CRACDL: variants seen among roughly 807,000 people sequenced by gnomAD.
The protein encoded by CRACDL is CRACD like.
Under a neutral mutation model 70.6 loss-of-function variants are expected in CRACDL, and 26 were observed. That is an observed-to-expected ratio of 0.37 (90% confidence interval 0.27 to 0.51). The LOEUF (loss-of-function observed/expected upper bound fraction) is 0.51. Ranked by LOEUF, CRACDL falls within the 20% of genes least tolerant of loss-of-function variation. CRACDL has a pLI of 0.94. For synonymous variants in CRACDL, 618 were observed against 615.2 expected, an observed-to-expected ratio of 1.00 and a Z score of -0.07; for missense variants, 1,283 against 1,376.9, an observed-to-expected ratio of 0.93 and a Z score of 1.08.
At chr2:98,805,657 G>A (rs1402382671) in intron 7 of CRACDL, among the ~76,000 whole-genome samples, 2 of 152,152 alleles carry the variant, frequency 1.3e-5, no homozygotes, top group Non-Finnish European at 2.9e-5. Context: ...ACTCCACACA[G>A]ACTCACTTTG....
intron 7 of CRACDL, among the ~76,000 whole-genome samples, chr2:98,815,630 A>G (rs1337451254): frequency 1.3e-5 from 2 of 152,168 alleles, no homozygotes; most frequent in Non-Finnish European, 2.9e-5. Flanking sequence ...ATGTCTAAAG[A>G]GTCAAAAGAG....
intron 7 of CRACDL, among the ~76,000 whole-genome samples, chr2:98,814,451 CT>C (rs959642323): frequency 2.0e-5 from 3 of 152,070 alleles, no homozygotes; most frequent in Non-Finnish European, 2.9e-5. Context: ...ATTTGATGAT[CT>C]TTTTCATATT....
At chr2:98,935,289 ATTCACACAGCCGCAC>A in intron 1 of CRACDL, among the ~76,000 whole-genome samples, 1 of 152,162 alleles carries the variant, frequency 6.6e-6, no homozygotes, top group Non-Finnish European at 1.5e-5. Context: ...ACGGAGTCAA[ATTCACACAGCCGCAC>A]TGCTTCTGAC....
chr2:98,891,376 C>CAA lies in CRACDL; in HGVS notation c.-11+44560_-11+44561dup, dbSNP rs548988640. Among the ~76,000 whole-genome samples the CAA allele has an allele frequency of 3.3e-3, 125 of 37,842 alleles. 6 individuals are homozygous for CAA. Among genetic ancestry groups the CAA allele is most frequent in the African/African-American group, 6.7e-3 (62 of 9,224 alleles). 24.8% of individuals were successfully genotyped at this position (37,842 alleles called of 152,430 possible). A position where few individuals can be genotyped will look rare whatever the true frequency, so the allele number is the denominator to read the frequency against. On this transcript the variant is annotated intron_variant, in intron 1 of 9. Transcript: ENST00000397899. ...TGGGTGACAGAGGGAGACTCCGTCT[C>CAA]AAAAAAAAAAAAAAAAAAAAAAAAA...
chr2:98,871,142 T>G (rs1707331354), intron 1 of CRACDL, among the ~76,000 whole-genome samples: 1 of 152,188 alleles, frequency 6.6e-6, no homozygotes, highest in Admixed American at 6.5e-5. Context: ...TTGCCCTTCT[T>G]TGCTGTGCCC....
intron 1 of CRACDL, among the ~76,000 whole-genome samples, chr2:98,917,265 T>A (rs537269142): frequency 6.6e-6 from 1 of 152,192 alleles, no homozygotes; most frequent in Non-Finnish European, 1.5e-5. Context: ...CACCTTTATA[T>A]GTAACATTGT....
intron 5 of CRACDL, among the ~76,000 whole-genome samples, chr2:98,830,341 C>T: frequency 6.6e-6 from 1 of 152,134 alleles, no homozygotes; most frequent in Non-Finnish European, 1.5e-5. Context: ...CCACAATAAT[C>T]TTAAAGTTTT....
Position 98,823,325 on chromosome 2 carries a change from G to T in CRACDL, c.948C>A (p.Ser316=). The change falls in exon 7 of 10, where the codon TCC becomes TCA. Residue 316 remains serine (S), a synonymous_variant. Coordinates refer to ENST00000397899, the MANE Select transcript of CRACDL (RefSeq NM_207362.3). This position sits in a 1 kb window ranked among gnomAD's most constrained non-coding sequence, Gnocchi z 4.0. ...CCTCCTCCACGCTGGCCGTGAGCGC[G>T]GAGGAGTGCTGCAGGCGGGCGCGTC... ...RARRARLQHS[S]ALTASVEEGG... 1 of 1,479,158 alleles carries T rather than the reference G, an allele frequency of 6.8e-7. No homozygotes were observed. The highest frequency in any genetic ancestry group is 8.9e-7 in the Non-Finnish European group (1 of 1,125,626). The allele number at this position is 1,479,158 out of a possible 1,614,324, so 91.6% of individuals were successfully genotyped here. A position where few individuals can be genotyped will look rare whatever the true frequency, so the allele number is the denominator to read the frequency against.
At chr2:98,794,889 C>T (rs1282023185) in intron 9 of CRACDL, among the ~76,000 whole-genome samples, 1 of 151,644 alleles carries the variant, frequency 6.6e-6, no homozygotes, top group Non-Finnish European at 1.5e-5. Flanking sequence ...TCTGGCAATG[C>T]AATGAGGTGA....
chr2:98,887,428 C>A (rs1707829045), intron 1 of CRACDL, among the ~76,000 whole-genome samples: 1 of 151,860 alleles, frequency 6.6e-6, no homozygotes, highest in African/African-American at 2.4e-5. Flanking sequence ...GTCAAGGCTG[C>A]AATGAGCCAT....
intron 1 of CRACDL, among the ~76,000 whole-genome samples, chr2:98,854,767 G>T (rs193150647): frequency 6.6e-6 from 1 of 152,176 alleles, no homozygotes; most frequent in African/African-American, 2.4e-5. Context: ...GAGACATTCT[G>T]TAAAATAACT....
chr2:98,848,709 C>T (rs187636613), intron 1 of CRACDL, among the ~76,000 whole-genome samples: 9 of 152,268 alleles, frequency 5.9e-5, no homozygotes, highest in Non-Finnish European at 1.0e-4. Flanking sequence ...TCAGCCCCCC[C>T]ACAAATAGCT....
chr2:98,869,526 G>A (rs1038329839), intron 1 of CRACDL, among the ~76,000 whole-genome samples: 2 of 152,344 alleles, frequency 1.3e-5, no homozygotes, highest in South Asian at 4.1e-4. Context: ...ATGGAAGCAG[G>A]CAAAGGGCAA....
intron 1 of CRACDL, among the ~76,000 whole-genome samples, chr2:98,892,014 T>C (rs1363008556): frequency 2.0e-5 from 3 of 152,172 alleles, no homozygotes; most frequent in Non-Finnish European, 4.4e-5. Flanking sequence ...ATCAGACTCC[T>C]GGAAATTTAA....
intron 1 of CRACDL, among the ~76,000 whole-genome samples, chr2:98,889,401 C>T (rs1707903904): frequency 6.6e-6 from 1 of 152,028 alleles, no homozygotes; most frequent in South Asian, 2.1e-4. Flanking sequence ...AAAATATTGT[C>T]TGTTTAAGAT....
At chr2:98,832,649 C>A (rs1245582589) in intron 4 of CRACDL, 137 bp from the exon 5 acceptor site, 1 of 1,001,120 alleles carries the variant, frequency 1.0e-6, no homozygotes, top group Non-Finnish European at 1.5e-6. Context: ...GAACGTGCAT[C>A]TGCCACCAGC....
In CRACDL at chr2:98,822,272, G is replaced by C; in HGVS notation, c.2001C>G (p.Cys667Trp). Residue 667 changes from cysteine to tryptophan, a missense_variant, in exon 7 of 10, where the codon TGC (cysteine) becomes TGG (tryptophan). By Grantham distance (215) the Cys-to-Trp change is radical. This residue lies in a region of CRACDL where 921 missense variants were observed against 881.9 expected (regional missense o/e 1.04). Transcript: ENST00000397899. The surrounding 1 kb of genome is among the most constrained non-coding windows in gnomAD (Gnocchi z 4.9). ...AAAAPGTREP[C>W]PAAQEPAPSE... is the part of the protein sequence containing the mutation. ...TCGGGGCCGGCTCCTGGGCGGCTGG[G>C]CAGGGCTCTCTCGTGCCGGGCGCGG... 1 of 1,586,828 alleles carries C rather than the reference G, an allele frequency of 6.3e-7. No individual in the cohort carries two copies. Among genetic ancestry groups the C allele is most frequent in the Non-Finnish European group, 8.5e-7 (1 of 1,173,516 alleles).
At chr2:98,799,838 C>G (rs977196087) in intron 7 of CRACDL, among the ~76,000 whole-genome samples, 8 of 152,222 alleles carry the variant, frequency 5.3e-5, no homozygotes, top group Non-Finnish European at 7.3e-5. Flanking sequence ...GGCTGCACAT[C>G]CTCTCTGGGG....
intron 1 of CRACDL, among the ~76,000 whole-genome samples, chr2:98,904,326 T>C (rs572884423): frequency 1.3e-5 from 2 of 152,324 alleles, no homozygotes; most frequent in Non-Finnish European, 2.9e-5. Context: ...TGTGACTCTC[T>C]GTCCCAGCCA....
Sources: allele counts gnomAD v4.1 joint callset (sites outside exome capture counted in the v4.1 genomes callset), GRCh38; gene constraint gnomAD v4.1.1; regional missense constraint gnomAD v4.1.1; non-coding constraint Gnocchi (gnomAD v3.1); transcripts MANE v1.5; gene names NCBI Gene and HGNC (gene_info 2026-07-23, HGNC 2026-07-21).